HMGCL: variants seen among roughly 807,000 people sequenced by gnomAD.
The protein encoded by HMGCL is hydroxymethylglutaryl-CoA lyase, mitochondrial.
Under a neutral mutation model 37.3 loss-of-function variants are expected in HMGCL, and 26 were observed. That is an observed-to-expected ratio of 0.70 (90% CI 0.51 to 0.97). The LOEUF (loss-of-function observed/expected upper bound fraction) is 0.97. Among genes scored for constraint, HMGCL ranks in the 50% least tolerant of loss-of-function variants. HMGCL has a pLI of 0.00. For missense variants in HMGCL, 379 were observed against 398.1 expected (o/e 0.95, Z 0.41); for synonymous variants, 151 against 148.0 (o/e 1.02, Z -0.15).
rs560309026 is a variant in HMGCL at position 23,819,555 on chromosome 1, C to A, written c.144+955G>T. Among the ~76,000 whole-genome samples, 3 of 152,016 alleles carry A rather than the reference C, an allele frequency of 2.0e-5. No individual in the cohort carries two copies. The East Asian group carries it at 5.9e-4, about 30-fold the overall frequency. ...ACCAGCCCGGCCAACCTGGTGAAACCCCATCTCTACTAAAAATACAAAAAT... is the reference window on the plus strand; with the variant it reads ...ACCAGCCCGGCCAACCTGGTGAAACACCATCTCTACTAAAAATACAAAAAT... On this transcript the variant is annotated intron_variant, in intron 2 of 8. Transcript: ENST00000374490.
At position 23,808,236 on chromosome 1, in the gene HMGCL, T is replaced by C. The variant is rs767993106; in HGVS notation, c.649A>G (p.Met217Val). 14 of 1,613,824 alleles carry C rather than the reference T, an allele frequency of 8.7e-6. No homozygotes were observed. In the East Asian group the frequency reaches 2.2e-4, roughly 26 times the overall value. ...GVGTPGIMKD[M>V]LSAVMQEVPL... is the part of the protein sequence containing the mutation. ...ACTTCCTGCATGACAGCAGATAGCATGTCTTTCATGATCCCTGGGGTGCCC... is the reference window on the plus strand; with the variant it reads ...ACTTCCTGCATGACAGCAGATAGCACGTCTTTCATGATCCCTGGGGTGCCC... Residue 217 changes from methionine (M) to valine (V), a missense_variant, in exon 7 of 9, where the codon ATG becomes GTG. Met to Val is a conservative substitution (Grantham distance 21). Coordinates refer to ENST00000374490, the MANE Select transcript of HMGCL (RefSeq NM_000191.3).
At chr1:23,813,314 A>G (rs889206450) in intron 5 of HMGCL, among the ~76,000 whole-genome samples, 7 of 137,578 alleles carry the variant, frequency 5.1e-5, no homozygotes, top group African/African-American at 1.9e-4. Context: ...GGCTCACCAC[A>G]ACCTCCGCCT....
chr1:23,810,878 C>T lies in HMGCL; in HGVS notation c.498-79G>A. ...AGAACTGAGGCAGGGCTGTTTAACACACATTTCTGATCAGTGTGCAATCAA... is the reference window on the plus strand; with the variant it reads ...AGAACTGAGGCAGGGCTGTTTAACATACATTTCTGATCAGTGTGCAATCAA... On this transcript the variant is annotated intron_variant, in intron 5 of 8. Coordinates refer to ENST00000374490, the MANE Select transcript of HMGCL (RefSeq NM_000191.3). 8.8e-6 allele frequency: 10 copies of T among 1,140,652 alleles called. 1 individual carries two copies. In the South Asian group the frequency reaches 1.1e-4, roughly 13 times the overall value. The allele number at this position is 1,140,652 out of a possible 1,614,324, so 70.7% of individuals were successfully genotyped here. A position where few individuals can be genotyped will look rare whatever the true frequency, so the allele number is the denominator to read the frequency against.
At chr1:23,803,912 G>A (rs770116478) in intron 8 of HMGCL, 13 of 164,206 alleles carry the variant, frequency 7.9e-5, no homozygotes, top group Non-Finnish European at 1.5e-4. Flanking sequence ...AGCCAAGAGA[G>A]AACTGACTCA....
At chr1:23,822,057 T>C (rs905910185) in intron 1 of HMGCL, among the ~76,000 whole-genome samples, 3 of 152,184 alleles carry the variant, frequency 2.0e-5, no homozygotes, top group Non-Finnish European at 4.4e-5. Flanking sequence ...TGAGGGACCT[T>C]GTCTGTCTCA....
In HMGCL at chr1:23,802,339, G is replaced by A; in HGVS notation, c.*124C>T. Reference sequence around the variant, plus strand: ...GCTTTCTGCCAGGAGAGACCTCTGTGTAGAGCTGGCTATGAGGTACCTGCA... The same window carrying A: ...GCTTTCTGCCAGGAGAGACCTCTGTATAGAGCTGGCTATGAGGTACCTGCA... On this transcript the variant is annotated 3_prime_UTR_variant, in exon 9 of 9. Coordinates refer to ENST00000374490, the MANE Select transcript of HMGCL (RefSeq NM_000191.3). 1.3e-6 allele frequency: 1 copy of A among 766,832 alleles called. No individual in the cohort carries two copies. Among genetic ancestry groups the A allele is most frequent in the Non-Finnish European group, 2.3e-6 (1 of 425,804 alleles). 47.5% of individuals were successfully genotyped at this position (766,832 alleles called of 1,614,324 possible).
intron 7 of HMGCL, chr1:23,807,197 GGA>G (rs1342232477): frequency 1.9e-6 from 1 of 519,036 alleles, no homozygotes; most frequent in East Asian, 5.4e-5. Context: ...GCAAGGCATA[GGA>G]GAGGAAGTCA....
chr1:23,816,087 GA>G (rs1638608384), intron 4 of HMGCL, among the ~76,000 whole-genome samples: 1 of 92,300 alleles, frequency 1.1e-5, no homozygotes, highest in Non-Finnish European at 2.3e-5. Flanking sequence ...CCAGCTAATT[GA>G]TTTTTTTTTT....
In HMGCL at chr1:23,808,337, C is replaced by T. The variant is rs751368427; in HGVS notation, c.562-14G>A. On this transcript the variant is annotated splice_polypyrimidine_tract_variant and intron_variant, in intron 6 of 8. Transcript: ENST00000374490. ...CTTCTTGGTGACCTAAGGAAGCAAGCAGGCACTTGGAGGATACAGAATCCA... is the reference window on the plus strand; with the variant it reads ...CTTCTTGGTGACCTAAGGAAGCAAGTAGGCACTTGGAGGATACAGAATCCA... 4 of 1,611,898 alleles carry T rather than the reference C, an allele frequency of 2.5e-6. No homozygotes were observed. Among genetic ancestry groups the T allele is most frequent in the Admixed American group, 3.3e-5 (2 of 60,018 alleles).
intron 8 of HMGCL, chr1:23,804,179 T>C: frequency 1.6e-6 from 1 of 630,092 alleles, no homozygotes; most frequent in Non-Finnish European, 2.9e-6. Context: ...GGCAGGATCA[T>C]AGCTCACTGC....
intron 7 of HMGCL, among the ~76,000 whole-genome samples, chr1:23,804,727 A>C (rs996122222): frequency 6.6e-6 from 1 of 152,210 alleles, no homozygotes; most frequent in African/African-American, 2.4e-5. Context: ...TTCCTCTGCC[A>C]GCAGTATCTT....
chr1:23,804,904 T>A (rs1387622312), intron 7 of HMGCL, among the ~76,000 whole-genome samples: 1 of 35,998 alleles, frequency 2.8e-5, no homozygotes, highest in African/African-American at 1.1e-4. Flanking sequence ...CCCCACCACC[T>A]CCAGGCTACT....
rs759745527 is a variant in HMGCL at position 23,820,560 on chromosome 1, G to A, written c.94C>T (p.Arg32Trp). ...GGACCAACTTCCACAATTTTCACCCGCTTTGGTAAAGTGCCCATAGATGAG... is the reference window on the plus strand; with the variant it reads ...GGACCAACTTCCACAATTTTCACCCACTTTGGTAAAGTGCCCATAGATGAG... ...STSSMGTLPK[R>W]VKIVEVGPRD... Residue 32 changes from arginine to tryptophan, a missense_variant, in exon 2 of 9, where the codon CGG (arginine) becomes TGG (tryptophan). Transcript: ENST00000374490. 1.1e-5 allele frequency: 17 copies of A among 1,613,816 alleles called. No individual in the cohort carries two copies. Among genetic ancestry groups the A allele is most frequent in the African/African-American group, 8.0e-5 (6 of 74,866 alleles).
At chr1:23,813,867 G>GATAGCAGTGGTGCT (rs1638566825) in intron 5 of HMGCL, 2 of 400,694 alleles carry the variant, frequency 5.0e-6, no homozygotes, top group Non-Finnish European at 9.5e-6. Flanking sequence ...CCTTTAGCAT[G>GATAGCAGTGGTGCT]ATAGCAGTGG....
At chr1:23,821,813 C>A (rs755924083) in intron 1 of HMGCL, among the ~76,000 whole-genome samples, 1 of 152,126 alleles carries the variant, frequency 6.6e-6, no homozygotes, top group Non-Finnish European at 1.5e-5. Context: ...AAGCTCCCTG[C>A]CTTCTCTTCC....
chr1:23,817,545 G>GTCTA lies in HMGCL; in HGVS notation c.179_182dup (p.Met62ArgfsTer5). On this transcript the variant is annotated frameshift_variant, in exon 3 of 9. Coordinates refer to ENST00000374490, the MANE Select transcript of HMGCL (RefSeq NM_000191.3). LOFTEE classifies it high-confidence loss of function. ...CAGAGAGTCCTGCTTCAGAAAGCAT[G>GTCTA]TCTATCAGCTTGATTTTCACTGGAG... 1 of 1,613,402 alleles carries GTCTA rather than the reference G, an allele frequency of 6.2e-7. No individual in the cohort carries two copies. The highest frequency in any genetic ancestry group is 8.5e-7 in the Non-Finnish European group (1 of 1,179,372).
chr1:23,803,723 TTGTC>T (rs1638339392), intron 8 of HMGCL: 1 of 152,322 alleles, frequency 6.6e-6, no homozygotes, highest in Admixed American at 6.5e-5. Flanking sequence ...ATGAAATAAT[TTGTC>T]TGAGGTCTCA....
At chr1:23,819,732 A>G (rs1638677295) in intron 2 of HMGCL, among the ~76,000 whole-genome samples, 1 of 152,078 alleles carries the variant, frequency 6.6e-6, no homozygotes, top group Non-Finnish European at 1.5e-5. Context: ...CCATCTCCCA[A>G]AAACACACAC....
At chr1:23,819,972 A>T (rs1184153002) in intron 2 of HMGCL, among the ~76,000 whole-genome samples, 1 of 152,130 alleles carries the variant, frequency 6.6e-6, no homozygotes, top group Non-Finnish European at 1.5e-5. Flanking sequence ...ATCTGACCCA[A>T]CTTTCCTCAT....
Sources: allele counts gnomAD v4.1 joint callset (sites outside exome capture counted in the v4.1 genomes callset), GRCh38; gene constraint gnomAD v4.1.1; transcripts MANE v1.5; gene names NCBI Gene and HGNC (gene_info 2026-07-23, HGNC 2026-07-21).